The following ERCC3 variants were observed in gnomAD, a reference collection of about 807,000 sequenced individuals.
The protein encoded by ERCC3 is general transcription and DNA repair factor IIH helicase/translocase subunit XPB.
ERCC3 carries 66 observed loss-of-function variants against 94.2 expected under a neutral mutation model. The observed-to-expected ratio is 0.70, with a 90% CI of 0.57 to 0.86. ERCC3 has a LOEUF of 0.86. ERCC3 is among the 40% of genes least tolerant of loss of function. ERCC3 has a pLI of 0.00. For missense variants in ERCC3, 829 were observed against 987.1 expected, an observed-to-expected ratio of 0.84 and a Z score of 2.15; for synonymous variants, 349 against 369.1, an observed-to-expected ratio of 0.95 and a Z score of 0.63.
At chr2:127,265,405 G>A (rs1327932587) in intron 12 of ERCC3, among the ~76,000 whole-genome samples, 2 of 151,850 alleles carry the variant, frequency 1.3e-5, no homozygotes, top group African/African-American at 4.8e-5. Flanking sequence ...AATCTAACTA[G>A]CAGTCCATCA....
intron 8 of ERCC3, 63 bp downstream of exon 8, chr2:127,286,640 C>A: frequency 6.5e-7 from 1 of 1,535,014 alleles, no homozygotes; most frequent in Non-Finnish European, 9.0e-7. Flanking sequence ...CCTTTCCCAA[C>A]CTAACAACTG....
In ERCC3 at chr2:127,294,117, C is replaced by G. The variant is rs373118547; in HGVS notation, c.-36G>C. On this transcript the variant is annotated 5_prime_UTR_variant, in exon 1 of 15. Coordinates refer to ENST00000285398, the MANE Select transcript of ERCC3 (RefSeq NM_000122.2). The stretch of plus-strand genomic sequence containing the variant: ...GCAGCAGAGAGAAGATGACCCCGCT[C>G]CCACAGGCCCGCCGCGGCATCCGCT... 746 of 1,601,054 alleles carry G rather than the reference C, an allele frequency of 4.7e-4. 7 individuals carry two copies. The highest frequency in any genetic ancestry group is 2.0e-5 in the Non-Finnish European group (23 of 1,177,750).
chr2:127,281,198 T>C (rs1401033348), intron 8 of ERCC3, among the ~76,000 whole-genome samples: 1 of 152,154 alleles, frequency 6.6e-6, no homozygotes, highest in Non-Finnish European at 1.5e-5. Flanking sequence ...AAGTTGACAA[T>C]CTAGGGAGAG....
At chr2:127,262,751 T>C (rs1369207420) in intron 12 of ERCC3, 1 of 152,212 alleles carries the variant, frequency 6.6e-6, no homozygotes, top group Non-Finnish European at 1.5e-5. Context: ...TTGTGAATAT[T>C]GTATTTCCTA....
rs1684887573 is a variant in ERCC3 at position 127,280,880 on chromosome 2, G to A, written c.1343-249C>T. Reference sequence around the variant, plus strand: ...GCTGTGCAACTTAACACTGGCTTATGACACCACCTGAACTAACCCTTGGGT... The same window carrying A: ...GCTGTGCAACTTAACACTGGCTTATAACACCACCTGAACTAACCCTTGGGT... On this transcript the variant is annotated intron_variant, in intron 8 of 14. Transcript: ENST00000285398. This position sits in a 1 kb window ranked among gnomAD's most constrained non-coding sequence, Gnocchi z 6.3. 2 of 552,282 alleles carry A rather than the reference G, an allele frequency of 3.6e-6. No individual in the cohort carries two copies. Among genetic ancestry groups the A allele is most frequent in the African/African-American group, 3.8e-5 (2 of 53,120 alleles). 34.2% of individuals were successfully genotyped at this position (552,282 alleles called of 1,614,324 possible). A position where few individuals can be genotyped will look rare whatever the true frequency, so the allele number is the denominator to read the frequency against.
chr2:127,287,759 A>G (rs1242813740), intron 7 of ERCC3, among the ~76,000 whole-genome samples: 1 of 152,184 alleles, frequency 6.6e-6, no homozygotes, highest in Non-Finnish European at 1.5e-5. Flanking sequence ...TCGGCAAAAG[A>G]CCACTATTAT....
chr2:127,294,127 C>G lies in ERCC3; in HGVS notation c.-46G>C. The stretch of plus-strand genomic sequence containing the variant: ...GAAGATGACCCCGCTCCCACAGGCC[C>G]GCCGCGGCATCCGCTCTGGGGGGAC... On this transcript the variant is annotated 5_prime_UTR_variant, in exon 1 of 15. Coordinates refer to ENST00000285398, the MANE Select transcript of ERCC3 (RefSeq NM_000122.2). 1.3e-6 allele frequency: 2 copies of G among 1,597,582 alleles called. No homozygotes were observed. Among genetic ancestry groups the G allele is most frequent in the Non-Finnish European group, 1.7e-6 (2 of 1,175,736 alleles).
intron 13 of ERCC3, 108 bp downstream of exon 13, chr2:127,261,120 C>A: frequency 1.3e-6 from 1 of 772,742 alleles, no homozygotes; most frequent in Non-Finnish European, 2.4e-6. Flanking sequence ...CCTCTAATCT[C>A]CTAATGCTTG....
At position 127,279,128 on chromosome 2, in the gene ERCC3, G is replaced by A; in HGVS notation, c.1730+45C>T. On this transcript the variant is annotated intron_variant, in intron 10 of 14. Transcript: ENST00000285398. This position sits in a 1 kb window ranked among gnomAD's most constrained non-coding sequence, Gnocchi z 4.7. ...AGCCACCTTCTGCACTCTCAATGGG[G>A]AAGAGAAACTGGCCTGGAGGAAGCT... 1 of 1,332,404 alleles carries A rather than the reference G, an allele frequency of 7.5e-7. No individual in the cohort carries two copies. Among genetic ancestry groups the A allele is most frequent in the Non-Finnish European group, 1.1e-6 (1 of 925,224 alleles). The allele number at this position is 1,332,404 out of a possible 1,614,324, so 82.5% of individuals were successfully genotyped here. A position where few individuals can be genotyped will look rare whatever the true frequency, so the allele number is the denominator to read the frequency against.
intron 8 of ERCC3, among the ~76,000 whole-genome samples, chr2:127,282,007 C>T (rs949569852): frequency 2.0e-5 from 3 of 152,156 alleles, no homozygotes; most frequent in Admixed American, 6.5e-5. Flanking sequence ...CCTGGACACC[C>T]GTGACCCCAT....
chr2:127,274,831 T>C lies in ERCC3; in HGVS notation c.1731-1870A>G, dbSNP rs1055762850. On this transcript the variant is annotated intron_variant, in intron 10 of 14. Transcript: ENST00000285398. This position sits in a 1 kb window ranked among gnomAD's most constrained non-coding sequence, Gnocchi z 4.0. ...TAAAGGTTCCCCCACACAGATGAAA[T>C]AGAAGGAAAAGCACCCTCCAAGTGG... Among the ~76,000 whole-genome samples, 3 of 151,842 alleles carry C rather than the reference T, an allele frequency of 2.0e-5. No individual in the cohort carries two copies. The highest frequency in any genetic ancestry group is 4.8e-5 in the African/African-American group (2 of 41,318).
chr2:127,293,777 C>T (rs1685365592), intron 1 of ERCC3, 59 bp from the exon 2 acceptor site: 8 of 1,602,978 alleles, frequency 5.0e-6, no homozygotes, highest in Non-Finnish European at 6.8e-6. Context: ...CCCTCCGCAC[C>T]GCTTGGCAGC....
rs1685310902 is a variant in ERCC3 at position 127,292,639 on chromosome 2, C to T, written c.442G>A (p.Val148Ile). 6.2e-7 allele frequency: 1 copy of T among 1,613,596 alleles called. No individual in the cohort carries two copies. Among genetic ancestry groups the T allele is most frequent in the Non-Finnish European group, 8.5e-7 (1 of 1,179,502 alleles). Residue 148 changes from valine (V) to isoleucine (I), a missense_variant, in exon 3 of 15, where the codon GTC (valine) becomes ATC (isoleucine). By Grantham distance (29) the Val-to-Ile change is conservative (BLOSUM62 3). Coordinates refer to ENST00000285398, the MANE Select transcript of ERCC3 (RefSeq NM_000122.2). Reference protein sequence around the residue: ...EYLRKLSKTGVPDGIMQFIKL... With the variant: ...EYLRKLSKTGIPDGIMQFIKL... ...ATAAACTGCATAATTCCATCAGGGA[C>T]TCCAGTCTTGCTGAGCTTCCTGAGG...
In ERCC3 at chr2:127,271,885, A is replaced by G. The variant is rs1684563316; in HGVS notation, c.1828-432T>C. 6.6e-6 allele frequency among the ~76,000 whole-genome samples: 1 copy of G among 151,918 alleles called. No individual in the cohort carries two copies. The highest frequency in any genetic ancestry group is 2.1e-4 in the South Asian group (1 of 4,816). On this transcript the variant is annotated intron_variant, in intron 11 of 14. Transcript: ENST00000285398. The surrounding 1 kb of genome is among the most constrained non-coding windows in gnomAD (Gnocchi z 5.0). ...GACCTGGGAGGAACAACTGCCCCAT[A>G]TGGAATTCTGACTGTAGGTGGATTC...
intron 10 of ERCC3, among the ~76,000 whole-genome samples, chr2:127,273,262 A>T: frequency 6.6e-6 from 1 of 152,110 alleles, no homozygotes; most frequent in East Asian, 1.9e-4. Context: ...AGTCTATACA[A>T]GGAGCATCTC....
chr2:127,268,782 C>T (rs537421412), intron 12 of ERCC3, among the ~76,000 whole-genome samples: 2 of 152,174 alleles, frequency 1.3e-5, no homozygotes, highest in Non-Finnish European at 2.9e-5. Context: ...CATTCTCACC[C>T]TCGATCTTAG....
chr2:127,268,571 TTTTC>T (rs1470792411), intron 12 of ERCC3, among the ~76,000 whole-genome samples: 1 of 152,150 alleles, frequency 6.6e-6, no homozygotes, highest in Non-Finnish European at 1.5e-5. Flanking sequence ...CCAGGATTTC[TTTTC>T]TTTTCTTTAA....
At position 127,258,529 on chromosome 2, in the gene ERCC3, C is replaced by T. The variant is rs1434301453; in HGVS notation, c.2217+767G>A. ...TCTCCTGGGTTCCCATGGAGAGTGC[C>T]CCCTGGGTCGGGGGAGGAAAGCCTT... On this transcript the variant is annotated intron_variant, in intron 14 of 14. Coordinates refer to ENST00000285398, the MANE Select transcript of ERCC3 (RefSeq NM_000122.2). This position sits in a 1 kb window ranked among gnomAD's most constrained non-coding sequence, Gnocchi z 4.1. Among the ~76,000 whole-genome samples, 1 of 152,048 alleles carries T rather than the reference C, an allele frequency of 6.6e-6. No individual in the cohort carries two copies. Among genetic ancestry groups the T allele is most frequent in the Non-Finnish European group, 1.5e-5 (1 of 67,978 alleles).
intron 10 of ERCC3, among the ~76,000 whole-genome samples, chr2:127,273,749 C>CAAAAAAAAAAAA (rs398039596): frequency 2.5e-5 from 1 of 40,118 alleles, no homozygotes; most frequent in African/African-American, 1.1e-4. Context: ...AACTCTGTCT[C>CAAAAAAAAAAAA]AAAAAAAAAA....
Sources: gnomAD v4.1 joint callset for allele counts (sites outside exome capture counted in the v4.1 genomes callset) on GRCh38, gnomAD v4.1.1 for gene constraint, Gnocchi (gnomAD v3.1) non-coding constraint, MANE v1.5 for transcripts, NCBI Gene and HGNC (gene_info 2026-07-23, HGNC 2026-07-21) for gene names.